Variants in CSMD1 observed in about 807,000 individuals in gnomAD.
CSMD1 encodes the protein CUB and sushi domain-containing protein 1.
A neutral mutation model predicts 417.5 loss-of-function variants in CSMD1; 213 were observed. That is an observed-to-expected ratio of 0.51 (90% confidence interval 0.46 to 0.57). The LOEUF (loss-of-function observed/expected upper bound fraction) is 0.57. CSMD1 is among the 20% of genes least tolerant of loss of function. The pLI, the probability that CSMD1 is intolerant of heterozygous loss-of-function variation, is 0.00. For synonymous variants in CSMD1, 2,862 were observed against 1,736.8 expected, an observed-to-expected ratio of 1.65 and a Z score of -16.11; for missense variants, 6,923 against 4,529.7, an observed-to-expected ratio of 1.53 and a Z score of -15.17.
chr8:3,919,192 A>G (rs1809046745), intron 5 of CSMD1, among the ~76,000 whole-genome samples: 1 of 73,474 alleles, frequency 1.4e-5, no homozygotes. Context: ...TCCAAAAAAA[A>G]AAAAAAAAAA....
intron 3 of CSMD1, among the ~76,000 whole-genome samples, chr8:4,143,626 C>G (rs897030311): frequency 1.3e-5 from 2 of 151,040 alleles, no homozygotes; most frequent in Admixed American, 6.6e-5. Context: ...TGAGGGTACA[C>G]CTGATACCGG....
At chr8:2,986,166 A>G (rs569766459) in intron 54 of CSMD1, among the ~76,000 whole-genome samples, 4 of 152,298 alleles carry the variant, frequency 2.6e-5, no homozygotes, top group Admixed American at 1.3e-4. Context: ...TGACAATTGT[A>G]ATTGATTGCC....
chr8:3,706,559 C>T (rs1801179461), intron 7 of CSMD1, among the ~76,000 whole-genome samples: 1 of 152,096 alleles, frequency 6.6e-6, no homozygotes, highest in Non-Finnish European at 1.5e-5. Context: ...ATGCATATGT[C>T]AATTTGTGTT....
intron 1 of CSMD1, among the ~76,000 whole-genome samples, chr8:4,775,447 T>G (rs544713740): frequency 6.6e-6 from 1 of 152,338 alleles, no homozygotes; most frequent in Non-Finnish European, 1.5e-5. Context: ...AGTCTGTGCT[T>G]ATTGACTTCA....
intron 2 of CSMD1, among the ~76,000 whole-genome samples, chr8:4,453,850 C>A (rs796415278): frequency 2.8e-5 from 3 of 107,780 alleles, no homozygotes; most frequent in African/African-American, 1.1e-4. Flanking sequence ...GAGACAGAGT[C>A]TCACTCTGTC....
intron 3 of CSMD1, among the ~76,000 whole-genome samples, chr8:4,105,844 C>T (rs913631634): frequency 1.3e-5 from 2 of 152,178 alleles, no homozygotes; most frequent in Non-Finnish European, 2.9e-5. Context: ...AGGCCATGAC[C>T]CTCTGAGCTT....
intron 7 of CSMD1, among the ~76,000 whole-genome samples, chr8:3,696,752 G>A (rs1247638447): frequency 2.0e-5 from 3 of 152,190 alleles, no homozygotes; most frequent in Admixed American, 6.5e-5. Context: ...TAAACTAGAT[G>A]TCAAGAATAT....
At chr8:4,027,991 G>C (rs894766213) in intron 4 of CSMD1, among the ~76,000 whole-genome samples, 2 of 152,116 alleles carry the variant, frequency 1.3e-5, no homozygotes, top group African/African-American at 2.4e-5. Flanking sequence ...TCTTAAGTGA[G>C]ATCAATTAAT....
chr8:4,304,189 A>T (rs1276757511), intron 3 of CSMD1, among the ~76,000 whole-genome samples: 1 of 152,204 alleles, frequency 6.6e-6, no homozygotes, highest in African/African-American at 2.4e-5. Flanking sequence ...TTGGGAGAAT[A>T]AGCCAGTTTT....
chr8:4,251,493 C>A (rs566775317), intron 3 of CSMD1, among the ~76,000 whole-genome samples: 4 of 152,088 alleles, frequency 2.6e-5, no homozygotes, highest in Non-Finnish European at 5.9e-5. Flanking sequence ...TATTAGAAGA[C>A]AAAGGACAAG....
intron 1 of CSMD1, among the ~76,000 whole-genome samples, chr8:4,958,324 A>G (rs545216190): frequency 2.0e-5 from 3 of 152,290 alleles, no homozygotes; most frequent in Admixed American, 6.5e-5. Context: ...AATATTTCCA[A>G]TTGTCAAAAT....
rs117075151 is a variant in CSMD1 at position 4,845,771 on chromosome 8, G to T, written c.85+148561C>A. Among the ~76,000 whole-genome samples, 45 of 152,294 alleles carry T rather than the reference G, an allele frequency of 3.0e-4. 2 individuals are homozygous for T. In the East Asian group the frequency reaches 8.5e-3, roughly 29 times the overall value. On this transcript the variant is annotated intron_variant, in intron 1 of 69. Transcript: ENST00000635120. ...GCTCAGGGAGCTGCTCAAGAATCAC[G>T]TGAGTAGTATCACAAGGGCGGATTT...
At chr8:4,709,189 A>G (rs796077030) in intron 1 of CSMD1, among the ~76,000 whole-genome samples, 39 of 152,316 alleles carry the variant, frequency 2.6e-4, no homozygotes, top group African/African-American at 8.9e-4. Context: ...TCAGCTCACA[A>G]TCGAGAGAGA....
At chr8:4,347,149 T>G (rs1800819654) in intron 3 of CSMD1, among the ~76,000 whole-genome samples, 1 of 152,186 alleles carries the variant, frequency 6.6e-6, no homozygotes, top group Admixed American at 6.6e-5. Context: ...GCACTTGGTG[T>G]GACAACTGGG....
intron 49 of CSMD1, among the ~76,000 whole-genome samples, chr8:3,080,281 A>T (rs1156694550): frequency 6.6e-6 from 1 of 152,200 alleles, no homozygotes; most frequent in Non-Finnish European, 1.5e-5. Context: ...CTTCTCCTCA[A>T]GATGAATAAG....
At chr8:3,128,042 C>A (rs1817603148) in intron 41 of CSMD1, 1 of 151,886 alleles carries the variant, frequency 6.6e-6, no homozygotes, top group Non-Finnish European at 1.5e-5. Context: ...AAGGAAGTCA[C>A]TAAAATCTTT....
intron 12 of CSMD1, among the ~76,000 whole-genome samples, chr8:3,466,051 C>G (rs1007683812): frequency 3.9e-5 from 6 of 152,094 alleles, no homozygotes; most frequent in African/African-American, 1.4e-4. Context: ...ATGAAAACAT[C>G]ATGTTTGTAG....
At chr8:4,405,823 G>C (rs143590296) in intron 3 of CSMD1, among the ~76,000 whole-genome samples, 135 of 152,224 alleles carry the variant, frequency 8.9e-4, no homozygotes, top group Admixed American at 2.2e-3. Flanking sequence ...GGAGCAGTGC[G>C]TGCCTCCAAG....
chr8:4,443,303 T>C (rs1215376753), intron 2 of CSMD1, among the ~76,000 whole-genome samples: 1 of 152,092 alleles, frequency 6.6e-6, no homozygotes, highest in Non-Finnish European at 1.5e-5. Flanking sequence ...CGCTAGAAAA[T>C]AAACTTAACT....
Sources: allele counts gnomAD v4.1 joint callset (sites outside exome capture counted in the v4.1 genomes callset), GRCh38; gene constraint gnomAD v4.1.1; transcripts MANE v1.5; gene names NCBI Gene and HGNC (gene_info 2026-07-23, HGNC 2026-07-21).